NBAS: variants seen among roughly 807,000 people sequenced by gnomAD.
The protein encoded by NBAS is NBAS subunit of NRZ tethering complex.
Under a neutral mutation model 302.5 loss-of-function variants are expected in NBAS, and 219 were observed. The ratio of observed to expected loss-of-function variants is 0.72; its 90% CI spans 0.65 to 0.81. NBAS has a LOEUF of 0.81. Ranked by LOEUF, NBAS falls within the 30% of genes least tolerant of loss-of-function variation. The pLI is 0.00. For missense variants in NBAS, 2,932 were observed against 2,841.6 expected (o/e 1.03, Z -0.72); for synonymous variants, 1,118 against 1,021.6 (o/e 1.09, Z -1.80).
the NBAS span, among the ~76,000 whole-genome samples, chr2:15,102,151 A>G: frequency 6.6e-6 from 1 of 152,340 alleles, no homozygotes; most frequent in Admixed American, 6.5e-5. Flanking sequence ...CTCTGTGTCC[A>G]GCCACAAGGG....
At chr2:14,785,287 T>A in the NBAS span, among the ~76,000 whole-genome samples, 1 of 152,190 alleles carries the variant, frequency 6.6e-6, no homozygotes, top group Non-Finnish European at 1.5e-5. Flanking sequence ...TGACTTCCTC[T>A]TTTCCTAATT....
At position 15,453,648 on chromosome 2, in the gene NBAS, T is replaced by C. The variant is rs183791267; in HGVS notation, c.2339+7553A>G. Among the ~76,000 whole-genome samples the C allele has an allele frequency of 5.3e-5, 8 of 152,338 alleles. No homozygotes were observed. In the East Asian group the frequency reaches 1.5e-3, roughly 29 times the overall value. On this transcript the variant is annotated intron_variant, in intron 21 of 51. Coordinates refer to ENST00000281513, the MANE Select transcript of NBAS (RefSeq NM_015909.4). The stretch of plus-strand genomic sequence containing the variant: ...CCGAAAACATATTTTCATACTTTAC[T>C]CAATTACAGTCCATCTGCATGTTAC...
chr2:14,938,133 A>G, the NBAS span, among the ~76,000 whole-genome samples: 1 of 152,110 alleles, frequency 6.6e-6, no homozygotes. Context: ...CTCAAAAAAT[A>G]AAAAAAATTA....
chr2:15,009,717 TATAC>T, the NBAS span, among the ~76,000 whole-genome samples: 4 of 129,350 alleles, frequency 3.1e-5, no homozygotes, highest in East Asian at 2.5e-4. Flanking sequence ...TATATATATA[TATAC>T]GGTGCATATG....
chr2:14,904,815 C>T, the NBAS span, among the ~76,000 whole-genome samples: 2 of 152,250 alleles, frequency 1.3e-5, no homozygotes, highest in African/African-American at 2.4e-5. Context: ...TTTGGGAGGC[C>T]GAGGCAGGCG....
At chr2:15,418,503 A>G (rs867552600) in intron 23 of NBAS, among the ~76,000 whole-genome samples, 1 of 152,240 alleles carries the variant, frequency 6.6e-6, no homozygotes, top group Non-Finnish European at 1.5e-5. Flanking sequence ...AAAACTGAGT[A>G]AGATGAGGTC....
chr2:14,864,129 C>A, the NBAS span, among the ~76,000 whole-genome samples: 8 of 151,834 alleles, frequency 5.3e-5, no homozygotes, highest in African/African-American at 1.9e-4. Context: ...CCAGCCTGGC[C>A]GTCATGGTGA....
chr2:14,851,187 A>AC, the NBAS span, among the ~76,000 whole-genome samples: 1,618 of 134,220 alleles, frequency 0.012, 115 homozygotes, highest in South Asian at 0.04. Flanking sequence ...TGCTAGCAAG[A>AC]CTAATAAAGA....
At chr2:15,293,703 T>C (rs1670422788) in intron 40 of NBAS, among the ~76,000 whole-genome samples, 1 of 152,102 alleles carries the variant, frequency 6.6e-6, no homozygotes, top group South Asian at 2.1e-4. Flanking sequence ...CTAATTATAG[T>C]AAGCTGTCAG....
rs556708902 is a variant in NBAS at position 15,287,846 on chromosome 2, C to T, written c.5028-663G>A. On this transcript the variant is annotated intron_variant, in intron 41 of 51. Coordinates refer to ENST00000281513, the MANE Select transcript of NBAS (RefSeq NM_015909.4). ...AAACATCCTGAGCACCCCGTGTAGGCATCCCCGCATAAACATCCTGAGCAC... is the reference window on the plus strand; with the variant it reads ...AAACATCCTGAGCACCCCGTGTAGGTATCCCCGCATAAACATCCTGAGCAC... Among the ~76,000 whole-genome samples the T allele has an allele frequency of 6.6e-5, 10 of 151,302 alleles. No homozygotes were observed. The South Asian group carries it at 1.9e-3, about 29-fold the overall frequency.
At chr2:14,976,805 A>G in the NBAS span, among the ~76,000 whole-genome samples, 2 of 152,200 alleles carry the variant, frequency 1.3e-5, no homozygotes, top group Non-Finnish European at 2.9e-5. Context: ...CAGTGATTGA[A>G]GTTATGCATC....
the NBAS span, among the ~76,000 whole-genome samples, chr2:14,939,750 TG>T: frequency 6.6e-5 from 10 of 152,242 alleles, no homozygotes; most frequent in African/African-American, 2.4e-4. Context: ...TGAACTTTCT[TG>T]CAGACATTCC....
At chr2:15,253,907 C>G (rs1668469658) in intron 44 of NBAS, among the ~76,000 whole-genome samples, 1 of 152,154 alleles carries the variant, frequency 6.6e-6, no homozygotes, top group Admixed American at 6.5e-5. Context: ...TTCAAGCTGT[C>G]AGACATTTAG....
intron 48 of NBAS, among the ~76,000 whole-genome samples, chr2:15,203,864 C>T (rs200732561): frequency 8.4e-6 from 1 of 118,414 alleles, no homozygotes; most frequent in Non-Finnish European, 1.7e-5. Flanking sequence ...GTGTGTGTGT[C>T]TGTGTCTGTG....
At chr2:14,894,841 G>A in the NBAS span, among the ~76,000 whole-genome samples, 12 of 151,938 alleles carry the variant, frequency 7.9e-5, no homozygotes, top group Non-Finnish European at 1.6e-4. Flanking sequence ...GGCGGATCAC[G>A]AGGTCAAGAG....
chr2:15,025,576 T>A, the NBAS span, among the ~76,000 whole-genome samples: 3 of 152,218 alleles, frequency 2.0e-5, no homozygotes, highest in Non-Finnish European at 4.4e-5. Context: ...TTAACTATAT[T>A]GATTCTTCTT....
At chr2:15,379,560 C>T (rs367814105) in intron 30 of NBAS, 42 bp downstream of exon 30, 32 of 1,577,350 alleles carry the variant, frequency 2.0e-5, no homozygotes, top group Non-Finnish European at 2.6e-5. Flanking sequence ...TACATTCTGA[C>T]TTTCCCCCTC....
chr2:14,915,693 G>A, the NBAS span, among the ~76,000 whole-genome samples: 4 of 152,104 alleles, frequency 2.6e-5, no homozygotes, highest in Admixed American at 6.5e-5. Flanking sequence ...CTCCCAAGTA[G>A]CTGGGACTAC....
intron 38 of NBAS, among the ~76,000 whole-genome samples, chr2:15,324,238 C>T (rs866943995): frequency 3.6e-4 from 55 of 152,160 alleles, no homozygotes; most frequent in African/African-American, 1.3e-3. Context: ...GAAATCCCTA[C>T]AGCTTTTGAT....
Sources: gnomAD v4.1 joint callset for allele counts (sites outside exome capture counted in the v4.1 genomes callset) on GRCh38, gnomAD v4.1.1 for gene constraint, MANE v1.5 for transcripts, NCBI Gene and HGNC (gene_info 2026-07-23, HGNC 2026-07-21) for gene names.